Variants in PRKAG2 observed in about 807,000 individuals in gnomAD.
PRKAG2 encodes the protein 5'-AMP-activated protein kinase subunit gamma-2.
In PRKAG2, 26 loss-of-function variants were observed where a neutral mutation model predicts 69.6. The ratio of observed to expected loss-of-function variants is 0.37; its 90% CI spans 0.27 to 0.52. The LOEUF (loss-of-function observed/expected upper bound fraction) is 0.52, where lower values mean the gene tolerates loss of function less well. PRKAG2 is among the 20% of genes least tolerant of loss of function. PRKAG2 has a pLI of 0.90. For synonymous variants in PRKAG2, 293 were observed against 285.0 expected (o/e 1.03, Z -0.28); for missense variants, 557 against 740.0 (o/e 0.75, Z 2.87).
At chr7:151,569,061 G>A (rs1806934928) in intron 10 of PRKAG2, among the ~76,000 whole-genome samples, 1 of 152,128 alleles carries the variant, frequency 6.6e-6, no homozygotes, top group Admixed American at 6.6e-5. Context: ...TCTAGAAGAG[G>A]AGATTTTTTT....
rs2079120527 is a variant in PRKAG2, at chr7:151,835,245, C to T, written c.114+41262G>A. 6.6e-6 allele frequency among the ~76,000 whole-genome samples: 1 copy of T among 152,174 alleles called. No individual in the cohort carries two copies. Among genetic ancestry groups the T allele is most frequent in the Non-Finnish European group, 1.5e-5 (1 of 68,042 alleles). ...GTTCATTTGTTTTTAGGGTCAGGGT[C>T]TTGCTGTTTTCCAGGCTGGAGTGCC... On this transcript the variant is annotated intron_variant, in intron 1 of 15. Coordinates refer to ENST00000287878, the MANE Select transcript of PRKAG2 (RefSeq NM_016203.4). This position sits in a 1 kb window ranked among gnomAD's most constrained non-coding sequence, Gnocchi z 4.1.
chr7:151,683,349 G>T (rs1407552663), intron 3 of PRKAG2, among the ~76,000 whole-genome samples: 1 of 152,192 alleles, frequency 6.6e-6, no homozygotes, highest in African/African-American at 2.4e-5. Flanking sequence ...GAAGCCCCAA[G>T]CTCTAGGTCT....
chr7:151,687,648 T>G (rs1484447222), intron 3 of PRKAG2, among the ~76,000 whole-genome samples: 1 of 152,116 alleles, frequency 6.6e-6, no homozygotes, highest in Non-Finnish European at 1.5e-5. Flanking sequence ...GTGGAGGAAG[T>G]GCAGGCTCTG....
intron 3 of PRKAG2, among the ~76,000 whole-genome samples, chr7:151,744,155 T>C (rs1361064722): frequency 3.9e-5 from 6 of 152,206 alleles, no homozygotes; most frequent in Non-Finnish European, 8.8e-5. Flanking sequence ...CCTGTGGCTC[T>C]GATATGTAAC....
At chr7:151,697,859 G>A (rs1202235055) in intron 3 of PRKAG2, among the ~76,000 whole-genome samples, 5 of 152,198 alleles carry the variant, frequency 3.3e-5, no homozygotes, top group African/African-American at 7.2e-5. Flanking sequence ...AAAGAAGGAC[G>A]GGTGTAACGG....
chr7:151,743,208 C>A (rs1023589269), intron 3 of PRKAG2, among the ~76,000 whole-genome samples: 1 of 152,158 alleles, frequency 6.6e-6, no homozygotes, highest in Non-Finnish European at 1.5e-5. Flanking sequence ...CAAATAGGAA[C>A]CGTATTTTCT....
intron 3 of PRKAG2, among the ~76,000 whole-genome samples, chr7:151,779,332 T>A (rs2076555556): frequency 6.6e-6 from 1 of 152,174 alleles, no homozygotes; most frequent in Admixed American, 6.5e-5. Context: ...CTCCTGCACC[T>A]CCTGGTGCCA....
rs1434084209 is a variant in PRKAG2 at position 151,781,466 on chromosome 7, C to A, written c.187-35G>T. 15 of 1,576,230 alleles carry A rather than the reference C, an allele frequency of 9.5e-6. No homozygotes were observed. In the Admixed American group the frequency reaches 1.7e-4, roughly 17 times the overall value. ...AACAGACGAATGGATGCAGTCACTC[C>A]ACGCTCTGGACACGCTGCCTCCTGC... On this transcript the variant is annotated intron_variant, in intron 2 of 15. Transcript: ENST00000287878. This position sits in a 1 kb window ranked among gnomAD's most constrained non-coding sequence, Gnocchi z 6.1.
Position 151,721,193 on chromosome 7 carries a change from C to T in PRKAG2, c.467-45556G>A, listed in dbSNP as rs1025039634. Among the ~76,000 whole-genome samples the T allele has an allele frequency of 8.6e-5, 13 of 152,010 alleles. 1 individual carries two copies. Among genetic ancestry groups the T allele is most frequent in the African/African-American group, 3.1e-4 (13 of 41,364 alleles). The stretch of plus-strand genomic sequence containing the variant: ...GCCAGAACCCTGCAGCCGCCCAGCA[C>T]TCAGGCTTTTCTGGGGTCCCATCCC... On this transcript the variant is annotated intron_variant, in intron 3 of 15. Coordinates refer to ENST00000287878, the MANE Select transcript of PRKAG2 (RefSeq NM_016203.4).
intron 1 of PRKAG2, among the ~76,000 whole-genome samples, chr7:151,873,932 T>C (rs2080280254): frequency 6.6e-6 from 1 of 151,946 alleles, no homozygotes; most frequent in Non-Finnish European, 1.5e-5. Context: ...TCTCTATATA[T>C]TTTTTTAAAA....
rs183642568 is a variant in PRKAG2, at chr7:151,684,010, G to T, written c.467-8373C>A. Reference sequence around the variant, plus strand: ...TCTCCCCGCACGGCCCCTATTGCCCGCAGGTTTTACCTTCCACCCCTCATT... The same window carrying T: ...TCTCCCCGCACGGCCCCTATTGCCCTCAGGTTTTACCTTCCACCCCTCATT... On this transcript the variant is annotated intron_variant, in intron 3 of 15. Transcript: ENST00000287878. 8.5e-5 allele frequency among the ~76,000 whole-genome samples: 13 copies of T among 152,200 alleles called. No homozygotes were observed. In the East Asian group the frequency reaches 1.7e-3, roughly 20 times the overall value.
intron 15 of PRKAG2, chr7:151,559,598 T>C (rs1804476495): frequency 1.0e-6 from 1 of 985,370 alleles, no homozygotes; most frequent in South Asian, 4.7e-5. Context: ...GAATAAGACA[T>C]GTTTCTTGCA....
chr7:151,674,960 C>T (rs1832672171), intron 4 of PRKAG2: 1 of 222,486 alleles, frequency 4.5e-6, no homozygotes, highest in East Asian at 1.1e-4. Context: ...TGCTCTGTTA[C>T]ATAGGGGCTG....
intron 6 of PRKAG2, among the ~76,000 whole-genome samples, chr7:151,587,670 A>G (rs1270400984): frequency 6.6e-6 from 1 of 152,162 alleles, no homozygotes; most frequent in Non-Finnish European, 1.5e-5. Context: ...AGTAGAGGGC[A>G]TTCTGGAAAA....
chr7:151,747,320 G>A (rs2074343382), intron 3 of PRKAG2, among the ~76,000 whole-genome samples: 1 of 152,208 alleles, frequency 6.6e-6, no homozygotes, highest in Non-Finnish European at 1.5e-5. Context: ...ACTTTGGGAG[G>A]CCGAGGTGGG....
chr7:151,662,907 C>T (rs1359494946), intron 4 of PRKAG2, among the ~76,000 whole-genome samples: 2 of 152,004 alleles, frequency 1.3e-5, no homozygotes, highest in Non-Finnish European at 2.9e-5. Flanking sequence ...CAAACAAATA[C>T]ATAAAACACA....
rs1468479975 is a variant in PRKAG2 at position 151,576,748 on chromosome 7, A to G, written c.865-296T>C. ...ACTCCTGACCTCAAGTGATCCATCCACCTCGGCCTCCCAAAGTGTTGGGAT... is the reference window on the plus strand; with the variant it reads ...ACTCCTGACCTCAAGTGATCCATCCGCCTCGGCCTCCCAAAGTGTTGGGAT... On this transcript the variant is annotated intron_variant, in intron 6 of 15. Transcript: ENST00000287878. Among the ~76,000 whole-genome samples, 3 of 151,724 alleles carry G rather than the reference A, an allele frequency of 2.0e-5. No homozygotes were observed. The East Asian group carries it at 5.8e-4, about 29-fold the overall frequency.
chr7:151,619,072 T>C (rs1820864837), intron 5 of PRKAG2, among the ~76,000 whole-genome samples: 1 of 152,216 alleles, frequency 6.6e-6, no homozygotes, highest in Admixed American at 6.5e-5. Context: ...TAGTTCAAAG[T>C]GAGTTGCAAT....
chr7:151,820,913 G>A (rs1331565508), intron 1 of PRKAG2, among the ~76,000 whole-genome samples: 1 of 10,142 alleles, frequency 9.9e-5, no homozygotes, highest in African/African-American at 3.6e-4. Context: ...TCTCTCTCTC[G>A]GCACCCCGTC....
Sources: gnomAD v4.1 joint callset for allele counts (sites outside exome capture counted in the v4.1 genomes callset) on GRCh38, gnomAD v4.1.1 for gene constraint, Gnocchi (gnomAD v3.1) non-coding constraint, MANE v1.5 for transcripts, NCBI Gene and HGNC (gene_info 2026-07-23, HGNC 2026-07-21) for gene names.